Variants in TRIOBP observed in about 807,000 individuals in gnomAD.
TRIOBP encodes TRIO and F-actin binding protein.
A neutral mutation model predicts 238.8 loss-of-function variants in TRIOBP; 169 were observed. That is an observed-to-expected ratio of 0.71 (90% CI 0.62 to 0.80). The LOEUF (loss-of-function observed/expected upper bound fraction) is 0.80. Ranked by LOEUF, TRIOBP falls within the 30% of genes least tolerant of loss-of-function variation. The pLI, the probability that TRIOBP is intolerant of heterozygous loss-of-function variation, is 0.00. For missense variants in TRIOBP, 2,838 were observed against 3,122.6 expected (o/e 0.91, Z 2.17); for synonymous variants, 1,150 against 1,274.4 (o/e 0.90, Z 2.08).
rs200015964 is a variant in TRIOBP, at chr22:37,726,355, C to T, written c.3799C>T (p.Arg1267Trp). Residue 1267 changes from arginine to tryptophan, a missense_variant, in exon 7 of 24, where the codon CGG becomes TGG. Arg to Trp is a moderately radical substitution (Grantham distance 101). This residue lies in a region of TRIOBP where 2,096 missense variants were observed against 2,137.4 expected (regional missense o/e 0.98). Transcript: ENST00000644935. ...PPGETRHNLEREEYTVLADLP... is the reference protein window; with the variant it reads ...PPGETRHNLEWEEYTVLADLP... ...CGGGGAGACCAGGCACAACTTGGAG[C>T]GGGAGGAGTACACTGTGCTGGCCGA... is the stretch of plus-strand genomic sequence containing the variant. The T allele has an allele frequency of 5.6e-6, 9 of 1,608,106 alleles. No individual in the cohort carries two copies. Among genetic ancestry groups the T allele is most frequent in the Admixed American group, 3.4e-5 (2 of 59,358 alleles).
At position 37,765,790 on chromosome 22, in the gene TRIOBP, G is replaced by A; in HGVS notation, c.6445G>A (p.Ala2149Thr). The change falls in exon 18 of 24, where the codon GCT (alanine) becomes ACT (threonine). Residue 2149 changes from alanine to threonine, a missense_variant. Ala to Thr is a moderately conservative substitution (Grantham distance 58). Coordinates refer to ENST00000644935, the MANE Select transcript of TRIOBP (RefSeq NM_001039141.3). ...GCAGCAGGAGAAGGAGTGGCTCCTG[G>A]CTGAGGAGACGGCAGCCACGGCCTC... ...RLQQEKEWLLAEETAATASAI... is the reference protein window; with the variant it reads ...RLQQEKEWLLTEETAATASAI... 6.3e-7 allele frequency: 1 copy of A among 1,590,472 alleles called. No individual in the cohort carries two copies. The highest frequency in any genetic ancestry group is 1.1e-5 in the South Asian group (1 of 88,098).
chr22:37,699,942 G>A (rs976867444), intron 2 of TRIOBP, among the ~76,000 whole-genome samples: 5 of 151,676 alleles, frequency 3.3e-5, no homozygotes, highest in African/African-American at 1.2e-4. Flanking sequence ...GAAGTGGCGT[G>A]CTCTCCGCTC....
intron 2 of TRIOBP, among the ~76,000 whole-genome samples, chr22:37,699,873 T>A (rs888345174): frequency 5.3e-5 from 8 of 150,204 alleles, no homozygotes; most frequent in Non-Finnish European, 1.0e-4. Flanking sequence ...TTTTCATTTA[T>A]TTATTTATTT....
At position 37,729,737 on chromosome 22, in the gene TRIOBP, C is replaced by T. The variant is rs117156347; in HGVS notation, c.3947+3234C>T. On this transcript the variant is annotated intron_variant, in intron 7 of 23. Transcript: ENST00000644935. Reference sequence around the variant, plus strand: ...TTTAATTCTACTCTCTTTGAAATAGCTTATTTACCTTTTAGGGAAGTTTTC... The same window carrying T: ...TTTAATTCTACTCTCTTTGAAATAGTTTATTTACCTTTTAGGGAAGTTTTC... Among the ~76,000 whole-genome samples, 209 of 152,242 alleles carry T rather than the reference C, an allele frequency of 1.4e-3. 1 individual carries two copies. The East Asian group carries it at 0.033, about 24-fold the overall frequency.
chr22:37,747,020 T>C (rs1448216841), intron 11 of TRIOBP, among the ~76,000 whole-genome samples: 1 of 152,212 alleles, frequency 6.6e-6, no homozygotes, highest in Non-Finnish European at 1.5e-5. Context: ...TTTGCAGCGG[T>C]CCTGGGGCCT....
chr22:37,759,499 C>A, intron 17 of TRIOBP: 5 of 1,606,882 alleles, frequency 3.1e-6, no homozygotes, highest in Non-Finnish European at 3.4e-6. Context: ...AAGGTCACCC[C>A]GCCTGCAGGT....
At chr22:37,710,036 G>A (rs1024115480) in intron 3 of TRIOBP, among the ~76,000 whole-genome samples, 1 of 152,188 alleles carries the variant, frequency 6.6e-6, no homozygotes, top group Non-Finnish European at 1.5e-5. Context: ...GTTCTGGGGC[G>A]CACGCACATA....
In TRIOBP at chr22:37,735,000, C is replaced by T. The variant is rs905183621; in HGVS notation, c.4664C>T (p.Pro1555Leu). 1.2e-6 allele frequency: 2 copies of T among 1,613,068 alleles called. No homozygotes were observed. Among genetic ancestry groups the T allele is most frequent in the African/African-American group, 2.7e-5 (2 of 74,892 alleles). ...TACCCGCGTGGCTCTGAGAGGCGACCCGAGCTTGACTGGAGGGATCTGCTT... is the reference window on the plus strand; with the variant it reads ...TACCCGCGTGGCTCTGAGAGGCGACTCGAGCTTGACTGGAGGGATCTGCTT... ...CPYPRGSERR[P>L]ELDWRDLLGL... The change falls in exon 9 of 24, where the codon CCC (proline) becomes CTC (leucine). Residue 1555 changes from proline to leucine, a missense_variant. Coordinates refer to ENST00000644935, the MANE Select transcript of TRIOBP (RefSeq NM_001039141.3).
In TRIOBP at chr22:37,723,680, G is replaced by A. The variant is rs1480471508; in HGVS notation, c.1124G>A (p.Arg375Gln). The change falls in exon 7 of 24, where the codon CGG becomes CAG. Residue 375 changes from arginine to glutamine, a missense_variant. Transcript: ENST00000644935. ...TCTTTTCCTACTTGTACTCCCCAGC[G>A]GGAAAACCCCAGGACACCCTGTGTC... ...QTSFPTCTPQ[R>Q]ENPRTPCVQQ... 18 of 1,613,384 alleles carry A rather than the reference G, an allele frequency of 1.1e-5. No individual in the cohort carries two copies. The highest frequency in any genetic ancestry group is 3.3e-5 in the South Asian group (3 of 91,044).
intron 17 of TRIOBP, among the ~76,000 whole-genome samples, chr22:37,764,897 G>C (rs1346626050): frequency 6.6e-6 from 1 of 152,232 alleles, no homozygotes; most frequent in Non-Finnish European, 1.5e-5. Flanking sequence ...AACCTTTTGA[G>C]GCAGGGGAGA....
intron 3 of TRIOBP, among the ~76,000 whole-genome samples, chr22:37,706,260 T>C (rs888088416): frequency 2.0e-5 from 3 of 152,054 alleles, no homozygotes; most frequent in Non-Finnish European, 4.4e-5. Flanking sequence ...TTGGTGGGGC[T>C]GGAGCTCAGA....
At chr22:37,769,682 G>T (rs1322208238) in intron 21 of TRIOBP, among the ~76,000 whole-genome samples, 2 of 152,180 alleles carry the variant, frequency 1.3e-5, no homozygotes, top group African/African-American at 4.8e-5. Context: ...AAGAAAATAT[G>T]TGTGTATGTG....
rs191951101 is a variant in TRIOBP at position 37,747,623 on chromosome 22, A to G, written c.5323-4149A>G. 3.9e-5 allele frequency among the ~76,000 whole-genome samples: 6 copies of G among 152,096 alleles called. No individual in the cohort carries two copies. The East Asian group carries it at 1.2e-3, about 29-fold the overall frequency. ...CCCTTTTCTGTCAGGAGCAGAAGGG[A>G]TGTGGGGGGAGGAGCTGAGTCAGTG... On this transcript the variant is annotated intron_variant, in intron 11 of 23. Coordinates refer to ENST00000644935, the MANE Select transcript of TRIOBP (RefSeq NM_001039141.3).
At chr22:37,759,610 G>A in intron 17 of TRIOBP, 1 of 1,553,810 alleles carries the variant, frequency 6.4e-7, no homozygotes, top group African/African-American at 1.4e-5. Context: ...GGGGAAGTGG[G>A]GGGCTAGTGG....
intron 17 of TRIOBP, among the ~76,000 whole-genome samples, chr22:37,763,804 A>G (rs1339065356): frequency 6.6e-6 from 1 of 152,120 alleles, no homozygotes; most frequent in Non-Finnish European, 1.5e-5. Context: ...ATGCACATGT[A>G]TTACCTCACG....
intron 5 of TRIOBP, among the ~76,000 whole-genome samples, 198 bp from the exon 6 acceptor site, chr22:37,715,565 G>A (rs1043767409): frequency 6.6e-6 from 1 of 151,400 alleles, no homozygotes; most frequent in East Asian, 2.0e-4. Flanking sequence ...GGATGGTCTC[G>A]ATCTCCTGAC....
intron 7 of TRIOBP, 77 bp from the exon 8 acceptor site, chr22:37,733,221 G>C (rs1924507577): frequency 2.6e-6 from 3 of 1,153,996 alleles, no homozygotes; most frequent in Non-Finnish European, 3.8e-6. Flanking sequence ...ATCTCCTCCT[G>C]TTGGAGGTGG....
Position 37,772,664 on chromosome 22 carries a change from C to A in TRIOBP, c.7000C>A (p.Arg2334=), listed in dbSNP as rs763308152. The A allele has an allele frequency of 6.2e-7, 1 of 1,614,108 alleles. No individual in the cohort carries two copies. Among genetic ancestry groups the A allele is most frequent in the East Asian group, 2.2e-5 (1 of 44,872 alleles). ...TGTGGAGCTGAGCCACATCAAGACA[C>A]GGTCTGAGCGGGAGATCGAGCAGCT... is the stretch of plus-strand genomic sequence containing the variant. ...VYVELSHIKT[R]SEREIEQLKE... The change falls in exon 23 of 24, where the codon CGG becomes AGG. Residue 2334 remains arginine (R), a synonymous_variant. Transcript: ENST00000644935.
chr22:37,758,933 C>G (rs529999151), intron 16 of TRIOBP, among the ~76,000 whole-genome samples: 2 of 152,200 alleles, frequency 1.3e-5, no homozygotes, highest in South Asian at 4.1e-4. Context: ...CAAGGCTCTC[C>G]CAGGTCATTG....
Sources: gnomAD v4.1 joint callset for allele counts (sites outside exome capture counted in the v4.1 genomes callset) on GRCh38, gnomAD v4.1.1 for gene constraint, gnomAD v4.1.1 regional missense constraint, MANE v1.5 for transcripts, NCBI Gene and HGNC (gene_info 2026-07-23, HGNC 2026-07-21) for gene names.